The following TBC1D19 variants were observed in gnomAD, a reference collection of about 807,000 sequenced individuals.
TBC1D19 encodes the protein TBC1 domain family member 19.
Under a neutral mutation model 89.0 loss-of-function variants are expected in TBC1D19, and 60 were observed. The ratio of observed to expected loss-of-function variants is 0.67; its 90% CI spans 0.55 to 0.84. TBC1D19 has a LOEUF of 0.84. Ranked by LOEUF, TBC1D19 falls within the 40% of genes least tolerant of loss-of-function variation. The probability of loss-of-function intolerance (pLI) is 0.00; values close to 1 mark genes in which losing one functional copy is unlikely to be tolerated. For missense variants in TBC1D19, 500 were observed against 610.8 expected, an observed-to-expected ratio of 0.82 and a Z score of 1.91; for synonymous variants, 189 against 199.7, an observed-to-expected ratio of 0.95 and a Z score of 0.45.
intron 1 of TBC1D19, among the ~76,000 whole-genome samples, chr4:26,598,561 A>AT (rs1306677231): frequency 6.6e-6 from 1 of 151,970 alleles, no homozygotes; most frequent in Admixed American, 6.6e-5. Context: ...CGCCCAGCTA[A>AT]TTTTTTGTAT....
chr4:26,717,273 C>A lies in TBC1D19; in HGVS notation c.955-660C>A, dbSNP rs184940587. On this transcript the variant is annotated intron_variant, in intron 13 of 20. Coordinates refer to ENST00000264866, the MANE Select transcript of TBC1D19 (RefSeq NM_018317.4). Reference sequence around the variant, plus strand: ...TAATACTGAGACCCAGATTTCCTGTCACTAATGGCCTTACTGGGTCTTGGA... The same window carrying A: ...TAATACTGAGACCCAGATTTCCTGTAACTAATGGCCTTACTGGGTCTTGGA... Among the ~76,000 whole-genome samples, 6 of 152,140 alleles carry A rather than the reference C, an allele frequency of 3.9e-5. No homozygotes were observed. The East Asian group carries it at 1.2e-3, about 30-fold the overall frequency.
intron 13 of TBC1D19, 25 bp from the exon 14 acceptor site, chr4:26,717,908 A>T (rs756577556): frequency 1.4e-5 from 22 of 1,572,662 alleles, no homozygotes; most frequent in Non-Finnish European, 1.7e-5. Context: ...CTTAATTGCT[A>T]TTTTTTTTCC....
At chr4:26,583,001 G>C (rs1353454459), upstream of TBC1D19, among the ~76,000 whole-genome samples, 1 of 152,194 alleles carries the variant, frequency 6.6e-6, no homozygotes, top group African/African-American at 2.4e-5. Context: ...GTTCTCACCA[G>C]AGTCCTATTG....
intron 1 of TBC1D19, among the ~76,000 whole-genome samples, chr4:26,604,730 A>G (rs1490401094): frequency 6.6e-6 from 1 of 151,110 alleles, no homozygotes; most frequent in Admixed American, 6.6e-5. Flanking sequence ...ATTAAAAAAA[A>G]ATTAGCCGGG....
intron 1 of TBC1D19, among the ~76,000 whole-genome samples, chr4:26,593,261 G>A (rs1330235696): frequency 6.6e-6 from 1 of 152,160 alleles, no homozygotes; most frequent in African/African-American, 2.4e-5. Context: ...TTTAATAAAT[G>A]GTGCTGGGAA....
chr4:26,716,951 TCTG>T (rs1716665405), intron 13 of TBC1D19, among the ~76,000 whole-genome samples: 2 of 152,052 alleles, frequency 1.3e-5, no homozygotes, highest in Admixed American at 1.3e-4. Context: ...CAGCCAATAC[TCTG>T]TATTTCTAAA....
At chr4:26,672,525 A>G (rs1446109810) in intron 10 of TBC1D19, among the ~76,000 whole-genome samples, 1 of 151,978 alleles carries the variant, frequency 6.6e-6, no homozygotes, top group Non-Finnish European at 1.5e-5. Flanking sequence ...TGATGCACCC[A>G]CACACCTCTC....
At chr4:26,845,153 G>A in the TBC1D19 span, among the ~76,000 whole-genome samples, 2 of 152,124 alleles carry the variant, frequency 1.3e-5, no homozygotes, top group Admixed American at 6.6e-5. Context: ...GAACAGCCAA[G>A]GTCCCTGATG....
intron 11 of TBC1D19, among the ~76,000 whole-genome samples, chr4:26,678,627 C>G (rs1450178696): frequency 6.7e-6 from 1 of 150,230 alleles, no homozygotes; most frequent in Non-Finnish European, 1.5e-5. Flanking sequence ...AAAAATGGGA[C>G]AGGGAAACAA....
chr4:26,643,876 G>A (rs373873954), intron 7 of TBC1D19, among the ~76,000 whole-genome samples: 40 of 151,504 alleles, frequency 2.6e-4, no homozygotes, highest in African/African-American at 9.7e-4. Flanking sequence ...GACCAAACCA[G>A]GAAGTTGAAT....
chr4:26,803,335 T>C, the TBC1D19 span, among the ~76,000 whole-genome samples: 1 of 152,202 alleles, frequency 6.6e-6, no homozygotes, highest in East Asian at 1.9e-4. Context: ...GGAGGATTAT[T>C]TCCTGAGCCA....
At chr4:26,647,365 G>A (rs755891367) in intron 7 of TBC1D19, among the ~76,000 whole-genome samples, 18 of 152,036 alleles carry the variant, frequency 1.2e-4, no homozygotes, top group Admixed American at 5.2e-4. Context: ...TAATTCATAC[G>A]TTTGATTTCA....
chr4:26,799,762 T>A, the TBC1D19 span, among the ~76,000 whole-genome samples: 1 of 152,132 alleles, frequency 6.6e-6, no homozygotes, highest in Non-Finnish European at 1.5e-5. Context: ...CTTTCCAGCC[T>A]CCAGAATTGT....
chr4:26,791,972 A>G, the TBC1D19 span, among the ~76,000 whole-genome samples: 1 of 152,218 alleles, frequency 6.6e-6, no homozygotes, highest in African/African-American at 2.4e-5. Flanking sequence ...AGATCAGAGC[A>G]TGTGGATGGA....
chr4:26,711,406 A>T (rs922172779), intron 13 of TBC1D19, among the ~76,000 whole-genome samples: 1 of 152,086 alleles, frequency 6.6e-6, no homozygotes, highest in Non-Finnish European at 1.5e-5. Context: ...CAAATGAAAA[A>T]AATTTTATAA....
chr4:26,754,943 C>T lies in TBC1D19; in HGVS notation c.1577C>T (p.Thr526Ile). The change falls in exon 21 of 21, where the codon ACC becomes ATC. Residue 526 changes from threonine (T) to isoleucine (I), a missense_variant. By Grantham distance (89) the Thr-to-Ile change is moderately conservative. Around this residue, in one of 2 missense-constraint regions of TBC1D19, gnomAD observed 220 missense variants for 319.1 expected, o/e 0.69. Coordinates refer to ENST00000264866, the MANE Select transcript of TBC1D19 (RefSeq NM_018317.4). Reference protein sequence around the residue: ...LLQIFLFATVT With the variant: ...LLQIFLFATVI ...CAGATTTTTCTGTTTGCTACTGTCACCTGATCTTCTTCACAGTCACTGGCA... is the reference window on the plus strand; with the variant it reads ...CAGATTTTTCTGTTTGCTACTGTCATCTGATCTTCTTCACAGTCACTGGCA... 6.2e-7 allele frequency: 1 copy of T among 1,605,208 alleles called. No homozygotes were observed. The highest frequency in any genetic ancestry group is 1.7e-5 in the Admixed American group (1 of 58,826).
rs777307416 is a variant in TBC1D19, at chr4:26,620,661, A to G, written c.267A>G (p.Glu89=). 35 of 1,613,462 alleles carry G rather than the reference A, an allele frequency of 2.2e-5. No homozygotes were observed. The East Asian group carries it at 7.6e-4, about 35-fold the overall frequency. Residue 89 remains glutamate (E), a synonymous_variant, in exon 4 of 21, where the codon GAA becomes GAG. Transcript: ENST00000264866. ...CTGCACCTCCTGAACATCTTAAAGAACCTTTGGTATACATGAGGAAAGCAC... is the reference window on the plus strand; with the variant it reads ...CTGCACCTCCTGAACATCTTAAAGAGCCTTTGGTATACATGAGGAAAGCAC... The part of the protein sequence containing the change: ...HPAAPPEHLK[E]PLVYMRKAQG...
rs539424062 is a variant in TBC1D19 at position 26,605,816 on chromosome 4, AT to A, written c.100-7346del. Among the ~76,000 whole-genome samples the A allele has an allele frequency of 1.8e-4, 28 of 151,912 alleles. No homozygotes were observed. The East Asian group carries it at 5.2e-3, about 28-fold the overall frequency. The stretch of plus-strand genomic sequence containing the variant: ...TCTCTGATGGCCAGTGATGATGAGC[AT>A]TTTTTTCATGTGTTTTTTGGCTGCA... On this transcript the variant is annotated intron_variant, in intron 1 of 20. Transcript: ENST00000264866.
At chr4:26,785,719 CTG>C in the TBC1D19 span, among the ~76,000 whole-genome samples, 2 of 152,122 alleles carry the variant, frequency 1.3e-5, no homozygotes, top group Non-Finnish European at 2.9e-5. Flanking sequence ...GTAGAGATGA[CTG>C]TAAATACAAC....
Sources: gnomAD v4.1 joint callset for allele counts (sites outside exome capture counted in the v4.1 genomes callset) on GRCh38, gnomAD v4.1.1 for gene constraint, gnomAD v4.1.1 regional missense constraint, MANE v1.5 for transcripts, NCBI Gene and HGNC (gene_info 2026-07-23, HGNC 2026-07-21) for gene names.